SEC14L5: variants seen among roughly 807,000 people sequenced by gnomAD.
SEC14L5 encodes SEC14 like lipid binding 5, also known as SEC14-like protein 5.
In SEC14L5, 96 loss-of-function variants were observed where a neutral mutation model predicts 84.6. The ratio of observed to expected loss-of-function variants is 1.13; its 90% confidence interval spans 0.96 to 1.34. The LOEUF (loss-of-function observed/expected upper bound fraction) is 1.34, where lower values mean the gene tolerates loss of function less well. Ranked by LOEUF, SEC14L5 falls within the 40% of genes most tolerant of loss-of-function variation. The pLI, the probability that SEC14L5 is intolerant of heterozygous loss-of-function variation, is 0.00. For synonymous variants in SEC14L5, 546 were observed against 383.4 expected, an observed-to-expected ratio of 1.42 and a Z score of -4.95; for missense variants, 1,224 against 942.5, an observed-to-expected ratio of 1.30 and a Z score of -3.91.
At chr16:4,964,891 C>G (rs902922930) in intron 2 of SEC14L5, among the ~76,000 whole-genome samples, 1 of 152,002 alleles carries the variant, frequency 6.6e-6, no homozygotes, top group African/African-American at 2.4e-5. Flanking sequence ...CCACCACGCC[C>G]GGCTAATGTT....
chr16:4,998,803 ACT>A (rs1219372738), intron 8 of SEC14L5, among the ~76,000 whole-genome samples: 2 of 150,786 alleles, frequency 1.3e-5, no homozygotes, highest in Admixed American at 1.3e-4. Flanking sequence ...TAAACGCTTG[ACT>A]CTCCTAAAGA....
chr16:5,006,340 G>A (rs750149241), intron 12 of SEC14L5, among the ~76,000 whole-genome samples: 8 of 152,186 alleles, frequency 5.3e-5, no homozygotes, highest in South Asian at 4.1e-4. Flanking sequence ...AAAGGCTTAC[G>A]CATTCTATAT....
chr16:5,012,434 G>C (rs1284157211), intron 15 of SEC14L5, among the ~76,000 whole-genome samples: 2 of 152,164 alleles, frequency 1.3e-5, no homozygotes, highest in South Asian at 2.1e-4. Context: ...TCAGTTCAAA[G>C]GCTGTTTCCT....
chr16:5,010,201 A>C (rs1215405626), intron 14 of SEC14L5, among the ~76,000 whole-genome samples: 1 of 148,242 alleles, frequency 6.7e-6, no homozygotes, highest in East Asian at 2.0e-4. Flanking sequence ...AAAAAAAAAA[A>C]AAAAAAAAAA....
At chr16:5,010,780 C>A in intron 14 of SEC14L5, 1 of 339,198 alleles carries the variant, frequency 2.9e-6, no homozygotes, top group Non-Finnish European at 5.4e-6. Flanking sequence ...TTTGCAAATC[C>A]CACTCAGCAG....
At chr16:4,996,726 C>A (rs1318330110) in intron 7 of SEC14L5, 129 bp from the exon 8 acceptor site, 1 of 728,102 alleles carries the variant, frequency 1.4e-6, no homozygotes, top group African/African-American at 1.8e-5. Flanking sequence ...CGCACACCAC[C>A]ACGCCTGGCT....
intron 14 of SEC14L5, among the ~76,000 whole-genome samples, chr16:5,009,518 C>T (rs771354446): frequency 6.6e-6 from 1 of 152,002 alleles, no homozygotes; most frequent in Admixed American, 6.6e-5. Context: ...GAGATGGGGT[C>T]TTGCTATGTT....
chr16:4,980,533 C>G (rs1346151296), intron 2 of SEC14L5, among the ~76,000 whole-genome samples: 1 of 152,132 alleles, frequency 6.6e-6, no homozygotes, highest in Non-Finnish European at 1.5e-5. Context: ...TGACACCCTC[C>G]TTGAGGCTCT....
chr16:4,996,429 G>A lies in SEC14L5; in HGVS notation c.749G>A (p.Arg250Gln), dbSNP rs529226575. 27 of 1,572,308 alleles carry A rather than the reference G, an allele frequency of 1.7e-5. No homozygotes were observed. The highest frequency in any genetic ancestry group is 1.7e-4 in the Middle Eastern group (1 of 6,026). The change falls in exon 7 of 16, where the codon CGG (arginine) becomes CAG (glutamine). Residue 250 changes from arginine to glutamine, a missense_variant. Physicochemically the swap from Arg to Gln is conservative, Grantham distance 43. Coordinates refer to ENST00000251170, the MANE Select transcript of SEC14L5 (RefSeq NM_014692.2). The stretch of plus-strand genomic sequence containing the variant: ...CAGGAGAGCTGCCTGATCCAGCTTC[G>A]GCACTGGTTACAGGAGACCCACAAA... The part of the protein sequence containing the change: ...PMQESCLIQL[R>Q]HWLQETHKGK...
At chr16:5,004,500 C>T (rs896770187) in intron 11 of SEC14L5, among the ~76,000 whole-genome samples, 2 of 152,006 alleles carry the variant, frequency 1.3e-5, no homozygotes, top group African/African-American at 2.4e-5. Flanking sequence ...GGAGAGACCC[C>T]AAGCACCAGT....
chr16:5,011,102 A>G lies in SEC14L5; in HGVS notation c.1808A>G (p.His603Arg). 1 of 1,600,648 alleles carries G rather than the reference A, an allele frequency of 6.2e-7. No individual in the cohort carries two copies. The highest frequency in any genetic ancestry group is 1.3e-5 in the African/African-American group (1 of 74,678). The change falls in exon 15 of 16, where the codon CAT (histidine) becomes CGT (arginine). Residue 603 changes from histidine (H) to arginine (R), a missense_variant. Coordinates refer to ENST00000251170, the MANE Select transcript of SEC14L5 (RefSeq NM_014692.2). ...CREGESIQGS[H>R]VTRWPGVYLL... ...AGGGCTGATGTGTTTCAGGGCTCCC[A>G]TGTGACCCGGTGGCCCGGCGTCTAC...
Position 4,959,345 on chromosome 16 carries a change from C to T in SEC14L5, c.22C>T (p.Pro8Ser). ...GAACATGGTGCAAAGATACCAGTCT[C>T]CTGTCCGAGTCTACAAGTACCCGTT... Reference protein sequence around the residue: MVQRYQSPVRVYKYPFEL... With the variant: MVQRYQSSVRVYKYPFEL... The change falls in exon 2 of 16, where the codon CCT becomes TCT. Residue 8 changes from proline to serine, a missense_variant. Transcript: ENST00000251170. 1 of 1,613,870 alleles carries T rather than the reference C, an allele frequency of 6.2e-7. No homozygotes were observed. The highest frequency in any genetic ancestry group is 1.1e-5 in the South Asian group (1 of 91,082).
Position 5,008,427 on chromosome 16 carries a change from G to C in SEC14L5, c.1579G>C (p.Val527Leu), listed in dbSNP as rs776380598. 2 of 1,611,284 alleles carry C rather than the reference G, an allele frequency of 1.2e-6. No individual in the cohort carries two copies. The highest frequency in any genetic ancestry group is 1.7e-5 in the Admixed American group (1 of 59,590). ...VLRGAPHEVA[V>L]EILEGESVIT... ...CTCGCCTGTCTCCACACAGGTGGCC[G>C]TGGAGATCCTGGAAGGAGAGTCGGT... The change falls in exon 14 of 16, where the codon GTG (valine) becomes CTG (leucine). Residue 527 changes from valine (V) to leucine (L), a missense_variant. Physicochemically the swap from Val to Leu is conservative, Grantham distance 32 (BLOSUM62 1). Transcript: ENST00000251170.
intron 14 of SEC14L5, among the ~76,000 whole-genome samples, chr16:5,009,136 C>T (rs1955770805): frequency 6.6e-6 from 1 of 152,122 alleles, no homozygotes; most frequent in South Asian, 2.1e-4. Context: ...TCTGTCCTAG[C>T]CTTAGGTAAC....
chr16:4,989,666 C>T (rs778510069), intron 4 of SEC14L5, among the ~76,000 whole-genome samples: 8 of 152,290 alleles, frequency 5.3e-5, no homozygotes, highest in South Asian at 4.1e-4. Flanking sequence ...TTTCTTTCTA[C>T]GCCTCCAACT....
intron 9 of SEC14L5, 51 bp from the exon 10 acceptor site, chr16:5,000,804 T>G: frequency 6.4e-7 from 1 of 1,568,094 alleles, no homozygotes; most frequent in Non-Finnish European, 8.7e-7. Flanking sequence ...AAGGACTGTG[T>G]GGGGTAAAGC....
chr16:4,970,831 T>G (rs1339131357), intron 2 of SEC14L5, among the ~76,000 whole-genome samples: 1 of 152,112 alleles, frequency 6.6e-6, no homozygotes, highest in Admixed American at 6.6e-5. Flanking sequence ...TAGACCTGGC[T>G]GGGTGCGGTG....
intron 14 of SEC14L5, among the ~76,000 whole-genome samples, chr16:5,010,116 G>T (rs1009911740): frequency 6.7e-6 from 1 of 149,436 alleles, no homozygotes; most frequent in South Asian, 2.1e-4. Flanking sequence ...GCCGAGGCAG[G>T]TGAATCATCT....
intron 14 of SEC14L5, 124 bp downstream of exon 14, chr16:5,008,772 C>A (rs1955765855): frequency 7.6e-6 from 6 of 794,302 alleles, no homozygotes; most frequent in Non-Finnish European, 1.2e-5. Flanking sequence ...AGGGACCCTG[C>A]AGGACAGGGC....
Sources: gnomAD v4.1 joint callset for allele counts (sites outside exome capture counted in the v4.1 genomes callset) on GRCh38, gnomAD v4.1.1 for gene constraint, MANE v1.5 for transcripts, NCBI Gene and HGNC (gene_info 2026-07-23, HGNC 2026-07-21) for gene names.